MAOB: variants seen among roughly 807,000 people sequenced by gnomAD.
MAOB encodes amine oxidase [flavin-containing] B.
MAOB carries 15 observed loss-of-function variants against 41.9 expected under a neutral mutation model. The observed-to-expected ratio is 0.36, with a 90% CI of 0.24 to 0.55. The LOEUF is 0.55. Among genes scored for constraint, MAOB ranks in the 20% least tolerant of loss-of-function variants. The pLI is 0.86. For synonymous variants in MAOB, 167 were observed against 144.2 expected, an observed-to-expected ratio of 1.16 and a Z score of -1.13; for missense variants, 345 against 398.7, an observed-to-expected ratio of 0.87 and a Z score of 1.15.
intron 3 of MAOB, among the ~76,000 whole-genome samples, chrX:43,819,692 T>C (rs1017235265): frequency 8.9e-6 from 1 of 112,018 alleles, no homozygotes; most frequent in Admixed American, 9.4e-5. Context: ...GGCCCAGACC[T>C]CATGAGAAAC....
intron 8 of MAOB, among the ~76,000 whole-genome samples, chrX:43,786,868 G>A (rs779730021): frequency 2.2e-4 from 24 of 111,358 alleles, no homozygotes; most frequent in Non-Finnish European, 3.6e-4. Context: ...AGAGAGAAAA[G>A]TCATGTTCAT....
chrX:43,803,471 A>G, intron 3 of MAOB, 67 bp from the exon 4 acceptor site: 2 of 1,125,337 alleles, frequency 1.8e-6, no homozygotes, highest in South Asian at 2.3e-5. Flanking sequence ...AATCTGCCAA[A>G]TTGGTAAATG....
intron 1 of MAOB, among the ~76,000 whole-genome samples, chrX:43,855,399 CGTGTGT>C (rs748544135): frequency 2.8e-5 from 3 of 106,323 alleles, no homozygotes; most frequent in Non-Finnish European, 5.8e-5. Flanking sequence ...CTAGCATATA[CGTGTGT>C]GTGTGTGTGT....
intron 12 of MAOB, among the ~76,000 whole-genome samples, chrX:43,770,123 C>G (rs759847814): frequency 9.0e-6 from 1 of 111,346 alleles, no homozygotes; most frequent in African/African-American, 3.3e-5. Flanking sequence ...TGTCAGCCCT[C>G]TTTGGAGATT....
chrX:43,778,545 C>T, intron 11 of MAOB, 137 bp downstream of exon 11: 1 of 495,711 alleles, frequency 2.0e-6, no homozygotes, highest in Non-Finnish European at 3.4e-6. Context: ...CTGACCAGTC[C>T]TGTGTAGATG....
intron 8 of MAOB, among the ~76,000 whole-genome samples, chrX:43,782,211 T>A (rs1257958119): frequency 2.7e-5 from 3 of 110,693 alleles, no homozygotes; most frequent in Non-Finnish European, 5.7e-5. Flanking sequence ...GCCGGTTTTT[T>A]GAAAAGATCA....
chrX:43,858,170 T>C (rs1602030446), intron 1 of MAOB, among the ~76,000 whole-genome samples: 1 of 111,654 alleles, frequency 9.0e-6, no homozygotes, highest in East Asian at 2.8e-4. Flanking sequence ...CTCCTGTATG[T>C]GAAGCATATT....
chrX:43,802,332 T>C lies in MAOB; in HGVS notation c.385-69A>G. On this transcript the variant is annotated intron_variant, in intron 4 of 14. Transcript: ENST00000378069. ...TTCTCTTTTATTTTATTCATTTTTG[T>C]AATTTTCCACTTTAAATAACTATTC... The C allele has an allele frequency of 5.3e-6, 4 of 752,859 alleles. No individual in the cohort carries two copies. The East Asian group carries it at 1.0e-4, about 20-fold the overall frequency. 62.0% of individuals were successfully genotyped at this position (752,859 alleles called of 1,213,427 possible).
chrX:43,817,581 A>G (rs938707474), intron 3 of MAOB, among the ~76,000 whole-genome samples: 1 of 111,894 alleles, frequency 8.9e-6, no homozygotes, highest in Non-Finnish European at 1.9e-5. Context: ...CTCCCTTGAG[A>G]AAATCCTTCT....
chrX:43,847,092 C>T (rs1242014441), intron 1 of MAOB, among the ~76,000 whole-genome samples: 1 of 111,956 alleles, frequency 8.9e-6, no homozygotes, highest in African/African-American at 3.2e-5. Context: ...GCCTGTAATC[C>T]CAGCACTTTG....
intron 1 of MAOB, among the ~76,000 whole-genome samples, chrX:43,867,892 T>A (rs748697263): frequency 2.7e-4 from 30 of 112,503 alleles, no homozygotes; most frequent in Non-Finnish European, 5.4e-4. Context: ...TGAAAAATGA[T>A]GCTAAAATTT....
intron 1 of MAOB, among the ~76,000 whole-genome samples, chrX:43,875,654 C>T (rs892927543): frequency 9.0e-6 from 1 of 111,605 alleles, no homozygotes; most frequent in African/African-American, 3.3e-5. Flanking sequence ...GAACGTGGCC[C>T]CTCAATTTGG....
At chrX:43,851,095 C>G (rs1344480326) in intron 1 of MAOB, among the ~76,000 whole-genome samples, 2 of 111,722 alleles carry the variant, frequency 1.8e-5, no homozygotes, top group African/African-American at 6.5e-5. Flanking sequence ...TTTGTTTTTG[C>G]TTTATCTCAA....
At position 43,802,224 on chromosome X, in the gene MAOB, C is replaced by T. The variant is rs147281288; in HGVS notation, c.424G>A (p.Glu142Lys). 2.5e-5 allele frequency: 30 copies of T among 1,206,615 alleles called. No homozygotes were observed. Among genetic ancestry groups the T allele is most frequent in the Non-Finnish European group, 3.2e-5 (29 of 892,711 alleles). ...DAPWKAPLAE[E>K]WDNMTMKELL... The stretch of plus-strand genomic sequence containing the variant: ...TCCTTCATTGTCATGTTGTCCCACT[C>T]TTCTGCAAGGGGAGCCTTCCATGGG... Residue 142 changes from glutamate (E) to lysine (K), a missense_variant, in exon 5 of 15, where the codon GAG (glutamate) becomes AAG (lysine). By Grantham distance (56) the Glu-to-Lys change is moderately conservative. Transcript: ENST00000378069.
At chrX:43,770,731 T>G (rs142271063) in intron 12 of MAOB, among the ~76,000 whole-genome samples, 12 of 112,070 alleles carry the variant, frequency 1.1e-4, no homozygotes, top group African/African-American at 3.9e-4. Flanking sequence ...AAGCCAGGAT[T>G]TGAACCATGT....
At chrX:43,789,302 A>G (rs1002873982) in intron 8 of MAOB, among the ~76,000 whole-genome samples, 2 of 112,337 alleles carry the variant, frequency 1.8e-5, no homozygotes, top group Non-Finnish European at 3.8e-5. Flanking sequence ...TTAAGGATAA[A>G]CAATCTAAAT....
At chrX:43,858,794 G>C (rs778043445) in intron 1 of MAOB, among the ~76,000 whole-genome samples, 2 of 111,653 alleles carry the variant, frequency 1.8e-5, no homozygotes, top group East Asian at 5.6e-4. Context: ...TTTGGAAAGA[G>C]GCTTTTCCTG....
chrX:43,833,005 C>A (rs2035035137), intron 3 of MAOB, among the ~76,000 whole-genome samples: 1 of 110,623 alleles, frequency 9.0e-6, no homozygotes, highest in African/African-American at 3.3e-5. Context: ...AGAAGAAAGG[C>A]GGGCCAGGTG....
chrX:43,858,405 C>T (rs1461797710), intron 1 of MAOB, among the ~76,000 whole-genome samples: 2 of 111,129 alleles, frequency 1.8e-5, no homozygotes, highest in Non-Finnish European at 3.8e-5. Context: ...CTCTAGCCTT[C>T]TTTCCTTCTG....
Sources: allele counts gnomAD v4.1 joint callset (sites outside exome capture counted in the v4.1 genomes callset), GRCh38; gene constraint gnomAD v4.1.1; transcripts MANE v1.5; gene names NCBI Gene and HGNC (gene_info 2026-07-23, HGNC 2026-07-21).